The following EXPH5 variants were observed in gnomAD, a reference collection of about 807,000 sequenced individuals.
EXPH5 encodes exophilin 5.
In EXPH5, 42 loss-of-function variants were observed where a neutral mutation model predicts 41.1. That is an observed-to-expected ratio of 1.02 (90% confidence interval 0.80 to 1.32). EXPH5 has a LOEUF of 1.32. Ranked by LOEUF, EXPH5 falls within the 40% of genes most tolerant of loss-of-function variation. The pLI is 0.00. For synonymous variants in EXPH5, 798 were observed against 833.5 expected (o/e 0.96, Z 0.73); for missense variants, 2,298 against 2,314.5 (o/e 0.99, Z 0.15).
intron 1 of EXPH5, among the ~76,000 whole-genome samples, chr11:108,581,794 A>T (rs1565834568): frequency 6.6e-6 from 1 of 152,148 alleles, no homozygotes; most frequent in Non-Finnish European, 1.5e-5. Context: ...ACAAATTATC[A>T]ATACCAGGAA....
chr11:108,588,589 A>G (rs570123702), intron 1 of EXPH5, among the ~76,000 whole-genome samples: 10 of 152,200 alleles, frequency 6.6e-5, no homozygotes, highest in Non-Finnish European at 1.0e-4. Context: ...TTAACTCATC[A>G]GGTTGTTGTA....
intron 3 of EXPH5, among the ~76,000 whole-genome samples, chr11:108,533,559 C>T (rs1006068915): frequency 1.3e-5 from 2 of 152,122 alleles, no homozygotes; most frequent in Non-Finnish European, 2.9e-5. Flanking sequence ...CTTGCCTCTA[C>T]CTTAGTTTAG....
chr11:108,562,587 C>T (rs531442900), intron 1 of EXPH5, among the ~76,000 whole-genome samples: 1 of 152,040 alleles, frequency 6.6e-6, no homozygotes, highest in South Asian at 2.1e-4. Context: ...CCAGACTTGG[C>T]AGCAGAGCAA....
intron 1 of EXPH5, among the ~76,000 whole-genome samples, chr11:108,542,686 G>A (rs2093918935): frequency 6.6e-6 from 1 of 152,152 alleles, no homozygotes. Context: ...CTAACATGCA[G>A]AAAAGAAATT....
chr11:108,571,141 G>A (rs2094058620), intron 1 of EXPH5, among the ~76,000 whole-genome samples: 1 of 152,202 alleles, frequency 6.6e-6, no homozygotes, highest in Non-Finnish European at 1.5e-5. Context: ...GTGAGGCCTG[G>A]TGTGGCTTTG....
chr11:108,558,474 T>C (rs1166430066), intron 1 of EXPH5, among the ~76,000 whole-genome samples: 8 of 152,202 alleles, frequency 5.3e-5, no homozygotes, highest in Non-Finnish European at 2.9e-5. Context: ...AACAAGTCCA[T>C]GTTTAGCTCA....
At chr11:108,566,498 T>C (rs1245267246) in intron 1 of EXPH5, among the ~76,000 whole-genome samples, 1 of 152,184 alleles carries the variant, frequency 6.6e-6, no homozygotes, top group East Asian at 1.9e-4. Flanking sequence ...ACTGACCAAA[T>C]GATGAGGTTG....
intron 1 of EXPH5, among the ~76,000 whole-genome samples, chr11:108,560,071 C>T (rs533277802): frequency 6.6e-6 from 1 of 152,276 alleles, no homozygotes; most frequent in African/African-American, 2.4e-5. Context: ...GACGAAAGAA[C>T]GATAGATCTC....
chr11:108,551,082 G>A (rs1296851886), intron 1 of EXPH5, among the ~76,000 whole-genome samples: 1 of 152,180 alleles, frequency 6.6e-6, no homozygotes, highest in Admixed American at 6.5e-5. Flanking sequence ...GGATTTTGCA[G>A]TTCTTATTGC....
chr11:108,520,360 G>A (rs2093757325), intron 4 of EXPH5, among the ~76,000 whole-genome samples: 1 of 151,962 alleles, frequency 6.6e-6, no homozygotes, highest in Non-Finnish European at 1.5e-5. Flanking sequence ...GCCAAAAACG[G>A]TGGGGACTGC....
Position 108,514,697 on chromosome 11 carries a change from A to G in EXPH5, c.810T>C (p.Ser270=). 6.2e-7 allele frequency: 1 copy of G among 1,605,272 alleles called. No homozygotes were observed. Among genetic ancestry groups the G allele is most frequent in the South Asian group, 1.1e-5 (1 of 88,792 alleles). Residue 270 remains serine (S), a synonymous_variant, in exon 6 of 6, where the codon TCT becomes TCC. Coordinates refer to ENST00000265843, the MANE Select transcript of EXPH5 (RefSeq NM_015065.3). ...TTCCTGGTCTTAGGATGTCATAGAT[A>G]GACATATTGGAAGTTTCATTATAGT... ...KKHYNETSNM[S]IYDILRPGTP... is the part of the protein sequence containing the mutation.
At position 108,513,268 on chromosome 11, in the gene EXPH5, A is replaced by T; in HGVS notation, c.2239T>A (p.Ser747Thr). Residue 747 changes from serine (S) to threonine (T), a missense_variant, in exon 6 of 6, where the codon TCC becomes ACC. Coordinates refer to ENST00000265843, the MANE Select transcript of EXPH5 (RefSeq NM_015065.3). ...CCGTTGCTCTTGGCTGAGTCCTGGG[A>T]TAAGGGATTTTGAAAATCAGGTAAA... ...NSLPDFQNPL[S>T]QDSAKSNGFG... is the part of the protein sequence containing the mutation. The T allele has an allele frequency of 6.2e-7, 1 of 1,612,256 alleles. No individual in the cohort carries two copies. Among genetic ancestry groups the T allele is most frequent in the Non-Finnish European group, 8.5e-7 (1 of 1,179,432 alleles).
rs763170220 is a variant in EXPH5, at chr11:108,510,590, G to A, written c.4917C>T (p.Cys1639=). The A allele has an allele frequency of 3.1e-6, 5 of 1,614,032 alleles. No individual in the cohort carries two copies. In the African/African-American group the frequency reaches 6.7e-5, roughly 22 times the overall value. ...GAGTAGGCTCAGGGAACAGTGGGTTGCACTCCACTGTGCCAAGAGATAAAT... is the reference window on the plus strand; with the variant it reads ...GAGTAGGCTCAGGGAACAGTGGGTTACACTCCACTGTGCCAAGAGATAAAT... The part of the protein sequence containing the change: ...FDHLSLGTVE[C]NPLFPEPTPK... Residue 1639 remains cysteine (C), a synonymous_variant, in exon 6 of 6, where the codon TGC becomes TGT. Transcript: ENST00000265843.
chr11:108,580,732 T>G (rs1467741921), intron 1 of EXPH5, among the ~76,000 whole-genome samples: 2 of 152,170 alleles, frequency 1.3e-5, no homozygotes, highest in African/African-American at 4.8e-5. Context: ...ATAAAAAGAA[T>G]GAGATCTTGT....
chr11:108,527,518 A>C (rs562992416), intron 4 of EXPH5, among the ~76,000 whole-genome samples: 1 of 152,250 alleles, frequency 6.6e-6, no homozygotes, highest in East Asian at 1.9e-4. Flanking sequence ...GTCCCTTCCA[A>C]AACTCTCCAT....
Position 108,510,566 on chromosome 11 carries a change from A to G in EXPH5, c.4941T>C (p.Thr1647=). ...VECNPLFPEP[T]PKSAESIGES... ...CGCCAATGGACTCTGCAGATTTTGG[A>G]GTAGGCTCAGGGAACAGTGGGTTGC... is the stretch of plus-strand genomic sequence containing the variant. The change falls in exon 6 of 6, where the codon ACT becomes ACC. Residue 1647 remains threonine (T), a synonymous_variant. Coordinates refer to ENST00000265843, the MANE Select transcript of EXPH5 (RefSeq NM_015065.3). The G allele has an allele frequency of 6.2e-7, 1 of 1,614,034 alleles. No homozygotes were observed.
At chr11:108,584,084 T>C (rs1257802862) in intron 1 of EXPH5, among the ~76,000 whole-genome samples, 1 of 152,246 alleles carries the variant, frequency 6.6e-6, no homozygotes, top group Non-Finnish European at 1.5e-5. Context: ...AAAGGAATGA[T>C]ATAGACAAAA....
the EXPH5 span, among the ~76,000 whole-genome samples, chr11:108,605,854 T>C: frequency 6.6e-6 from 1 of 152,248 alleles, no homozygotes. Flanking sequence ...TCCCCACCAA[T>C]TGTGAGGCAG....
chr11:108,543,352 T>C (rs2093922531), intron 1 of EXPH5, among the ~76,000 whole-genome samples: 3 of 152,180 alleles, frequency 2.0e-5, no homozygotes, highest in Admixed American at 6.5e-5. Context: ...ACCCTAGAAC[T>C]GTTTGGAAAT....
Sources: gnomAD v4.1 joint callset for allele counts (sites outside exome capture counted in the v4.1 genomes callset) on GRCh38, gnomAD v4.1.1 for gene constraint, MANE v1.5 for transcripts, NCBI Gene and HGNC (gene_info 2026-07-23, HGNC 2026-07-21) for gene names.